Variants in PIEZO2 observed in about 807,000 individuals in gnomAD.
PIEZO2 encodes the protein piezo-type mechanosensitive ion channel component 2.
In PIEZO2, 172 loss-of-function variants were observed where a neutral mutation model predicts 337.3. That is an observed-to-expected ratio of 0.51 (90% CI 0.45 to 0.58). The LOEUF (loss-of-function observed/expected upper bound fraction) is 0.58. Among genes scored for constraint, PIEZO2 ranks in the 20% least tolerant of loss-of-function variants. The probability of loss-of-function intolerance (pLI) is 0.00; values close to 1 mark genes in which losing one functional copy is unlikely to be tolerated. For missense variants in PIEZO2, 3,028 were observed against 3,391.3 expected, an observed-to-expected ratio of 0.89 and a Z score of 2.66; for synonymous variants, 1,251 against 1,228.5, an observed-to-expected ratio of 1.02 and a Z score of -0.38.
chr18:10,779,057 T>C (rs1486818339), intron 18 of PIEZO2, among the ~76,000 whole-genome samples: 1 of 152,220 alleles, frequency 6.6e-6, no homozygotes, highest in South Asian at 2.1e-4. Flanking sequence ...TCCTATCAGC[T>C]GAAAAACCTG....
intron 28 of PIEZO2, among the ~76,000 whole-genome samples, chr18:10,751,980 G>A (rs79789147): frequency 0.013 from 1,999 of 152,230 alleles, 54 homozygotes; most frequent in African/African-American, 0.045. Context: ...GCCAAGCTTC[G>A]TCGGGGCCTG....
chr18:10,766,971 T>TCCTCCCACCTTCCATTCCCTCCCCTCC lies in PIEZO2; in HGVS notation c.2946+3150_2946+3176dup, dbSNP rs1212326153. Among the ~76,000 whole-genome samples, 1 of 151,398 alleles carries TCCTCCCACCTTCCATTCCCTCCCCTCC rather than the reference T, an allele frequency of 6.6e-6. No homozygotes were observed. Among genetic ancestry groups the TCCTCCCACCTTCCATTCCCTCCCCTCC allele is most frequent in the East Asian group, 2.0e-4 (1 of 5,110 alleles). ...GTCTGCAAAAGTTTCCTTCCTTCCT[T>TCCTCCCACCTTCCATTCCCTCCCCTCC]CCTCCCACCTTCCATTCCCTCCCCT... On this transcript the variant is annotated intron_variant, in intron 21 of 55. Coordinates refer to ENST00000674853, the MANE Select transcript of PIEZO2 (RefSeq NM_001378183.1). The surrounding 1 kb of genome is among the most constrained non-coding windows in gnomAD (Gnocchi z 6.1).
At chr18:10,798,017 G>C (rs1449412268) in intron 11 of PIEZO2, among the ~76,000 whole-genome samples, 1 of 152,212 alleles carries the variant, frequency 6.6e-6, no homozygotes, top group Admixed American at 6.5e-5. Context: ...CAGCCCTATG[G>C]GGAGCCCCAG....
At chr18:10,792,433 T>C (rs1161858476) in intron 13 of PIEZO2, among the ~76,000 whole-genome samples, 8 of 152,210 alleles carry the variant, frequency 5.3e-5, no homozygotes, top group African/African-American at 1.9e-4. Context: ...AGTTGCTTCC[T>C]TTTCTCCCTA....
chr18:10,955,684 C>T (rs1276183454), intron 3 of PIEZO2, among the ~76,000 whole-genome samples: 1 of 152,204 alleles, frequency 6.6e-6, no homozygotes, highest in African/African-American at 2.4e-5. Context: ...CACATTTCCA[C>T]TTCCATTTTA....
intron 21 of PIEZO2, among the ~76,000 whole-genome samples, chr18:10,764,310 G>A (rs2038262996): frequency 6.6e-6 from 1 of 152,116 alleles, no homozygotes; most frequent in Non-Finnish European, 1.5e-5. Flanking sequence ...AGCATTGTGG[G>A]CTCTAAAAGA....
In PIEZO2 at chr18:11,147,174, T is replaced by C. The variant is rs1020485226; in HGVS notation, c.64+1351A>G. On this transcript the variant is annotated intron_variant, in intron 1 of 55. Transcript: ENST00000674853. ...GGGAGAGAGGTGCATATCCGCTCTGTGGAAGCTTAGCTCTTCATCTATGCG... is the reference window on the plus strand; with the variant it reads ...GGGAGAGAGGTGCATATCCGCTCTGCGGAAGCTTAGCTCTTCATCTATGCG... Among the ~76,000 whole-genome samples the C allele has an allele frequency of 4.9e-4, 75 of 152,270 alleles. 1 individual carries two copies. The highest frequency in any genetic ancestry group is 9.6e-4 in the Non-Finnish European group (65 of 68,032).
chr18:10,977,942 T>C (rs2034508805), intron 3 of PIEZO2, among the ~76,000 whole-genome samples: 2 of 152,164 alleles, frequency 1.3e-5, no homozygotes, highest in Admixed American at 1.3e-4. Flanking sequence ...TAATTATTCA[T>C]GGGCATGGAG....
chr18:10,730,082 T>A (rs1418106984), intron 36 of PIEZO2, among the ~76,000 whole-genome samples: 1 of 152,266 alleles, frequency 6.6e-6, no homozygotes, highest in African/African-American at 2.4e-5. Flanking sequence ...TTTGTGCACA[T>A]GTGCAAGTAC....
At chr18:10,970,402 T>C (rs1598761061) in intron 3 of PIEZO2, among the ~76,000 whole-genome samples, 1 of 152,358 alleles carries the variant, frequency 6.6e-6, no homozygotes, top group East Asian at 1.9e-4. Context: ...TTGCCCTGCA[T>C]GCACACGGGT....
At chr18:10,984,042 G>A (rs747647357) in intron 2 of PIEZO2, among the ~76,000 whole-genome samples, 25 of 152,182 alleles carry the variant, frequency 1.6e-4, no homozygotes, top group Admixed American at 3.3e-4. Flanking sequence ...TCTCTAACCC[G>A]GTTCACTGGT....
chr18:10,930,399 C>A (rs530545969), intron 3 of PIEZO2, among the ~76,000 whole-genome samples: 1 of 152,326 alleles, frequency 6.6e-6, no homozygotes, highest in Non-Finnish European at 1.5e-5. Flanking sequence ...AACCAATTGC[C>A]AATCAGGAAA....
chr18:10,883,802 T>A (rs942332824), intron 4 of PIEZO2, among the ~76,000 whole-genome samples: 11 of 139,136 alleles, frequency 7.9e-5, no homozygotes, highest in Non-Finnish European at 1.6e-4. Flanking sequence ...ACCCTGTTTC[T>A]ATGAGTCCTA....
intron 18 of PIEZO2, among the ~76,000 whole-genome samples, chr18:10,777,363 ACT>A (rs1472856850): frequency 5.9e-5 from 9 of 152,170 alleles, no homozygotes; most frequent in Admixed American, 5.9e-4. Context: ...TCCATTTGTG[ACT>A]CTGTCATTTT....
Position 10,788,992 on chromosome 18 carries a change from T to G in PIEZO2, c.2169+87A>C, listed in dbSNP as rs372630873. 124 of 1,350,408 alleles carry G rather than the reference T, an allele frequency of 9.2e-5. No individual in the cohort carries two copies. In the East Asian group the frequency reaches 2.6e-3, roughly 28 times the overall value. The allele number at this position is 1,350,408 out of a possible 1,614,324, so 83.7% of individuals were successfully genotyped here. On this transcript the variant is annotated intron_variant, in intron 15 of 55. Coordinates refer to ENST00000674853, the MANE Select transcript of PIEZO2 (RefSeq NM_001378183.1). The stretch of plus-strand genomic sequence containing the variant: ...AATCACTTTATCCATGTTCATGAGA[T>G]TCTAGTGATTTAAAATCTCTGCAGA...
At position 10,697,751 on chromosome 18, in the gene PIEZO2, T is replaced by C; in HGVS notation, c.6824A>G (p.Lys2275Arg). ...HLIKAKAFTI[K>R]KTLEIYVPIK... Reference sequence around the variant, plus strand: ...CCATATGTTCTCATGGACTCACTTCTTTATGGTAAAGGCTTTTGCTTTGAT... The same window carrying C: ...CCATATGTTCTCATGGACTCACTTCCTTATGGTAAAGGCTTTTGCTTTGAT... Residue 2275 changes from lysine to arginine, a missense_variant, in exon 45 of 56, where the codon AAG becomes AGG. By Grantham distance (26) the Lys-to-Arg change is conservative. Transcript: ENST00000674853. The C allele has an allele frequency of 6.2e-7, 1 of 1,613,684 alleles. No individual in the cohort carries two copies. The highest frequency in any genetic ancestry group is 8.5e-7 in the Non-Finnish European group (1 of 1,179,978).
At chr18:11,142,314 A>G (rs753857193) in intron 1 of PIEZO2, among the ~76,000 whole-genome samples, 9 of 152,230 alleles carry the variant, frequency 5.9e-5, no homozygotes, top group Non-Finnish European at 1.2e-4. Flanking sequence ...GATAATCACT[A>G]GACAGTTAAG....
rs1187297971 is a variant in PIEZO2, at chr18:10,800,193, G to C, written c.1378+144C>G. 21 of 1,184,252 alleles carry C rather than the reference G, an allele frequency of 1.8e-5. 1 individual carries two copies. The highest frequency in any genetic ancestry group is 5.7e-6 in the Non-Finnish European group (5 of 872,862). 73.4% of individuals were successfully genotyped at this position (1,184,252 alleles called of 1,614,324 possible). A position where few individuals can be genotyped will look rare whatever the true frequency, so the allele number is the denominator to read the frequency against. On this transcript the variant is annotated intron_variant, in intron 11 of 55. Transcript: ENST00000674853. ...TAGCAATATGCTGGGGCAAAATGCAGGCAGAACTTAAAGAAGTGAGGTTAA... is the reference window on the plus strand; with the variant it reads ...TAGCAATATGCTGGGGCAAAATGCACGCAGAACTTAAAGAAGTGAGGTTAA...
Position 10,813,055 on chromosome 18 carries a change from C to T in PIEZO2, c.918-5781G>A, listed in dbSNP as rs1343928616. Among the ~76,000 whole-genome samples the T allele has an allele frequency of 3.3e-5, 5 of 151,744 alleles. No individual in the cohort carries two copies. The highest frequency in any genetic ancestry group is 1.2e-4 in the African/African-American group (5 of 41,272). On this transcript the variant is annotated intron_variant, in intron 7 of 55. Coordinates refer to ENST00000674853, the MANE Select transcript of PIEZO2 (RefSeq NM_001378183.1). This position sits in a 1 kb window ranked among gnomAD's most constrained non-coding sequence, Gnocchi z 4.2. ...CTGGAGTGCATTGGGCCTCTGCTCACTGCAACCTCTGCCTCCCCGGCTCAA... is the reference window on the plus strand; with the variant it reads ...CTGGAGTGCATTGGGCCTCTGCTCATTGCAACCTCTGCCTCCCCGGCTCAA...
Sources: gnomAD v4.1 joint callset for allele counts (sites outside exome capture counted in the v4.1 genomes callset) on GRCh38, gnomAD v4.1.1 for gene constraint, Gnocchi (gnomAD v3.1) non-coding constraint, MANE v1.5 for transcripts, NCBI Gene and HGNC (gene_info 2026-07-23, HGNC 2026-07-21) for gene names.